Variants in DTNA observed in about 807,000 individuals in gnomAD.
DTNA encodes dystrobrevin alpha, also known as dystrophin-related protein 3.
Under a neutral mutation model 100.7 loss-of-function variants are expected in DTNA, and 43 were observed. The observed-to-expected ratio is 0.43, with a 90% CI of 0.33 to 0.55. DTNA has a LOEUF of 0.55. Among genes scored for constraint, DTNA ranks in the 20% least tolerant of loss-of-function variants. The pLI is 0.04. For missense variants in DTNA, 798 were observed against 953.9 expected (o/e 0.84, Z 2.15); for synonymous variants, 349 against 347.9 (o/e 1.00, Z -0.04).
intron 1 of DTNA, among the ~76,000 whole-genome samples, chr18:34,564,679 T>G (rs2146292009): frequency 6.6e-6 from 1 of 152,240 alleles, no homozygotes; most frequent in East Asian, 1.9e-4. Flanking sequence ...TAAGCTGCTT[T>G]ATACTCATTT....
intron 1 of DTNA, among the ~76,000 whole-genome samples, chr18:34,747,574 A>T (rs2091805546): frequency 6.6e-6 from 1 of 152,128 alleles, no homozygotes; most frequent in Non-Finnish European, 1.5e-5. Flanking sequence ...GCTCCCACTT[A>T]GAAGTGTGGA....
At chr18:34,761,670 TGAG>T (rs1397428643) in intron 2 of DTNA, among the ~76,000 whole-genome samples, 1 of 152,244 alleles carries the variant, frequency 6.6e-6, no homozygotes. Flanking sequence ...ACAAGAGGCT[TGAG>T]GAGACGGTGC....
chr18:34,785,271 T>C (rs2094471365), intron 3 of DTNA, among the ~76,000 whole-genome samples: 1 of 152,182 alleles, frequency 6.6e-6, no homozygotes, highest in African/African-American at 2.4e-5. Context: ...CAGTCTCTCA[T>C]GGATTTATAA....
chr18:34,884,159 G>C (rs902742526), intron 21 of DTNA, among the ~76,000 whole-genome samples: 4 of 152,168 alleles, frequency 2.6e-5, no homozygotes, highest in African/African-American at 9.7e-5. Context: ...TCTGGTTCAT[G>C]CTATTAGAAG....
rs1318752437 is a variant in DTNA at position 34,888,444 on chromosome 18, A to G, written c.*710A>G. ...GTGACTTGAACCAAACACACCAGGA[A>G]TAATCCATTCTTTGGGGCCTCTTTC... On this transcript the variant is annotated 3_prime_UTR_variant, in exon 23 of 23. Transcript: ENST00000444659. 9 of 985,712 alleles carry G rather than the reference A, an allele frequency of 9.1e-6. No homozygotes were observed. The highest frequency in any genetic ancestry group is 1.1e-5 in the Non-Finnish European group (9 of 829,930). 61.1% of individuals were successfully genotyped at this position (985,712 alleles called of 1,614,324 possible).
chr18:34,830,926 T>C (rs2149595937), intron 11 of DTNA, among the ~76,000 whole-genome samples: 1 of 152,290 alleles, frequency 6.6e-6, no homozygotes, highest in East Asian at 1.9e-4. Context: ...GCCAGCAACA[T>C]TATCTAAGCT....
At chr18:34,799,177 G>A (rs1184565328) in intron 4 of DTNA, among the ~76,000 whole-genome samples, 1 of 152,114 alleles carries the variant, frequency 6.6e-6, no homozygotes, top group Non-Finnish European at 1.5e-5. Context: ...AGAACTACAA[G>A]TCCATCACAT....
intron 1 of DTNA, among the ~76,000 whole-genome samples, chr18:34,747,092 C>A (rs552290979): frequency 9.9e-6 from 1 of 101,460 alleles, no homozygotes; most frequent in East Asian, 3.2e-4. Context: ...ATATCTATAT[C>A]TATATCTGTA....
chr18:34,850,860 A>G (rs1248086085), intron 14 of DTNA, among the ~76,000 whole-genome samples: 2 of 152,188 alleles, frequency 1.3e-5, no homozygotes, highest in African/African-American at 2.4e-5. Context: ...AATGATATCT[A>G]TGTTTATATG....
intron 1 of DTNA, among the ~76,000 whole-genome samples, chr18:34,674,017 C>T (rs924857026): frequency 6.6e-6 from 1 of 152,210 alleles, no homozygotes; most frequent in Non-Finnish European, 1.5e-5. Context: ...TTTCTGCAAT[C>T]ACTGGGCTGT....
intron 1 of DTNA, among the ~76,000 whole-genome samples, chr18:34,613,851 T>A (rs1438183913): frequency 6.6e-6 from 1 of 152,204 alleles, no homozygotes; most frequent in Non-Finnish European, 1.5e-5. Flanking sequence ...ATCCATAAGA[T>A]CTAGCTAAGA....
chr18:34,771,414 G>T (rs557463094), intron 3 of DTNA, among the ~76,000 whole-genome samples: 1 of 152,104 alleles, frequency 6.6e-6, no homozygotes, highest in Non-Finnish European at 1.5e-5. Context: ...CAGGAGAATG[G>T]CATGAACCCG....
chr18:34,794,978 A>G (rs560154198), intron 4 of DTNA, among the ~76,000 whole-genome samples: 1 of 152,286 alleles, frequency 6.6e-6, no homozygotes, highest in Non-Finnish European at 1.5e-5. Context: ...GTGTTCAACA[A>G]AGGTTTCTTT....
At chr18:34,829,092 T>C (rs373400168) in intron 10 of DTNA, 1 of 1,614,166 alleles carries the variant, frequency 6.2e-7, no homozygotes. Flanking sequence ...TGACTTCTTC[T>C]ACCCTAAAAT....
intron 1 of DTNA, among the ~76,000 whole-genome samples, chr18:34,656,875 T>TTTTG (rs574100790): frequency 1.3e-5 from 2 of 152,138 alleles, no homozygotes; most frequent in Non-Finnish European, 1.5e-5. Flanking sequence ...CATAGCCTTT[T>TTTTG]TTTGTTTGTT....
chr18:34,589,279 A>G (rs986364456), intron 1 of DTNA, among the ~76,000 whole-genome samples: 22 of 152,262 alleles, frequency 1.4e-4, no homozygotes, highest in African/African-American at 5.1e-4. Context: ...CAGTTAAACA[A>G]ATTAATATTC....
intron 1 of DTNA, among the ~76,000 whole-genome samples, chr18:34,753,552 T>C (rs1329795228): frequency 1.4e-5 from 2 of 146,322 alleles, no homozygotes; most frequent in Non-Finnish European, 3.0e-5. Context: ...CCGGCTAATT[T>C]TTTGTATTTT....
chr18:34,562,606 G>A, intron 1 of DTNA, among the ~76,000 whole-genome samples: 1 of 152,124 alleles, frequency 6.6e-6, no homozygotes, highest in East Asian at 1.9e-4. Flanking sequence ...TTTTCTCCCT[G>A]CAAGTAATAG....
At chr18:34,504,102 C>T (rs1048882508) in intron 1 of DTNA, 12 of 151,872 alleles carry the variant, frequency 7.9e-5, no homozygotes, top group African/African-American at 2.9e-4. Context: ...GTGATCTGCC[C>T]ACCTCGGCCT....
Sources: gnomAD v4.1 joint callset for allele counts (sites outside exome capture counted in the v4.1 genomes callset) on GRCh38, gnomAD v4.1.1 for gene constraint, MANE v1.5 for transcripts, NCBI Gene and HGNC (gene_info 2026-07-23, HGNC 2026-07-21) for gene names.